PPM1E: variants seen among roughly 807,000 people sequenced by gnomAD.
PPM1E encodes protein phosphatase, Mg2+/Mn2+ dependent 1E, also known as protein phosphatase 1E.
Under a neutral mutation model 65.9 loss-of-function variants are expected in PPM1E, and 20 were observed. The observed-to-expected ratio is 0.30, with a 90% CI of 0.21 to 0.44. The LOEUF (loss-of-function observed/expected upper bound fraction) is 0.44. Among genes scored for constraint, PPM1E ranks in the 20% least tolerant of loss-of-function variants. PPM1E has a pLI of 1.00. For synonymous variants in PPM1E, 352 were observed against 374.9 expected, an observed-to-expected ratio of 0.94 and a Z score of 0.70; for missense variants, 713 against 953.1, an observed-to-expected ratio of 0.75 and a Z score of 3.32.
intron 6 of PPM1E, 74 bp downstream of exon 6, chr17:58,972,999 G>GA: frequency 1.2e-5 from 12 of 981,228 alleles, no homozygotes; most frequent in Non-Finnish European, 1.9e-5. Context: ...TCTGATACAG[G>GA]GAACCTGAGA....
chr17:58,801,617 A>G (rs2050259149), intron 1 of PPM1E, among the ~76,000 whole-genome samples: 1 of 150,948 alleles, frequency 6.6e-6, no homozygotes, highest in African/African-American at 2.4e-5. Flanking sequence ...AATTTTTTCT[A>G]TTTTTAGTAG....
intron 1 of PPM1E, among the ~76,000 whole-genome samples, chr17:58,855,365 G>A (rs1364697382): frequency 6.6e-6 from 1 of 152,158 alleles, no homozygotes; most frequent in African/African-American, 2.4e-5. Flanking sequence ...GAGTGGGGTA[G>A]ACTGAGAAGC....
At chr17:58,928,419 T>C (rs896461354) in intron 1 of PPM1E, among the ~76,000 whole-genome samples, 8 of 151,976 alleles carry the variant, frequency 5.3e-5, no homozygotes, top group Non-Finnish European at 1.2e-4. Flanking sequence ...TTAGAGAAGG[T>C]ATTTGGTTAC....
chr17:58,770,132 C>G (rs1205400039), intron 1 of PPM1E, among the ~76,000 whole-genome samples: 1 of 152,042 alleles, frequency 6.6e-6, no homozygotes, highest in Non-Finnish European at 1.5e-5. Context: ...ACCATTGTAT[C>G]CATATACTGT....
intron 1 of PPM1E, among the ~76,000 whole-genome samples, chr17:58,879,191 G>GT (rs974279596): frequency 6.6e-6 from 1 of 151,566 alleles, no homozygotes; most frequent in Non-Finnish European, 1.5e-5. Context: ...ACATCACAGC[G>GT]TTTTTTCACA....
intron 1 of PPM1E, among the ~76,000 whole-genome samples, chr17:58,930,487 T>C (rs1405458142): frequency 6.6e-6 from 1 of 151,808 alleles, no homozygotes; most frequent in Non-Finnish European, 1.5e-5. Flanking sequence ...AAAAACTGAA[T>C]AATAAAAAAC....
chr17:58,781,750 G>A (rs985412127), intron 1 of PPM1E, among the ~76,000 whole-genome samples: 1 of 151,910 alleles, frequency 6.6e-6, no homozygotes, highest in Non-Finnish European at 1.5e-5. Flanking sequence ...GCTGGGCATG[G>A]TGGTGCATAC....
intron 1 of PPM1E, among the ~76,000 whole-genome samples, chr17:58,896,913 C>T (rs1248639325): frequency 6.6e-6 from 1 of 152,150 alleles, no homozygotes; most frequent in Non-Finnish European, 1.5e-5. Context: ...GGGGCTAATG[C>T]AGCTGGTAAC....
intron 1 of PPM1E, among the ~76,000 whole-genome samples, chr17:58,776,076 C>T (rs2049991654): frequency 6.6e-6 from 1 of 152,078 alleles, no homozygotes; most frequent in Non-Finnish European, 1.5e-5. Context: ...GTGGCTCACG[C>T]ACTTTGGGAG....
At chr17:58,912,793 A>G (rs1050683421) in intron 1 of PPM1E, among the ~76,000 whole-genome samples, 2 of 152,170 alleles carry the variant, frequency 1.3e-5, no homozygotes, top group African/African-American at 2.4e-5. Context: ...CAACCCCTAC[A>G]TCCAGGAAAG....
At chr17:58,883,480 GTTC>G (rs1416739242) in intron 1 of PPM1E, among the ~76,000 whole-genome samples, 1 of 124,024 alleles carries the variant, frequency 8.1e-6, no homozygotes, top group Non-Finnish European at 1.7e-5. Context: ...TTCGCTGCCT[GTTC>G]TTTTTTTTTT....
At chr17:58,872,167 C>T (rs549907530) in intron 1 of PPM1E, among the ~76,000 whole-genome samples, 3 of 152,108 alleles carry the variant, frequency 2.0e-5, no homozygotes, top group Middle Eastern at 3.4e-3. Context: ...CATGGTGGCA[C>T]GCACCTGTAA....
intron 1 of PPM1E, among the ~76,000 whole-genome samples, chr17:58,932,362 A>G (rs1327310462): frequency 1.3e-5 from 2 of 151,996 alleles, no homozygotes; most frequent in Non-Finnish European, 2.9e-5. Context: ...CCAGCTACTC[A>G]GGAGGCTGAG....
intron 1 of PPM1E, among the ~76,000 whole-genome samples, chr17:58,815,283 AG>A (rs1598587962): frequency 6.6e-6 from 1 of 152,248 alleles, no homozygotes; most frequent in Non-Finnish European, 1.5e-5. Context: ...ACAACATAAC[AG>A]GGAACCTGAA....
intron 1 of PPM1E, among the ~76,000 whole-genome samples, chr17:58,856,228 T>A (rs1439851642): frequency 6.6e-6 from 1 of 152,118 alleles, no homozygotes; most frequent in Non-Finnish European, 1.5e-5. Flanking sequence ...TTTAGTAATA[T>A]GTGTTCATTT....
intron 1 of PPM1E, among the ~76,000 whole-genome samples, chr17:58,827,296 C>G (rs1034220014): frequency 1.1e-4 from 16 of 151,922 alleles, no homozygotes; most frequent in Non-Finnish European, 2.2e-4. Flanking sequence ...CGCCACCATG[C>G]CCAGCTAATT....
At chr17:58,770,918 A>G (rs1243713527) in intron 1 of PPM1E, among the ~76,000 whole-genome samples, 1 of 149,842 alleles carries the variant, frequency 6.7e-6, no homozygotes, top group Non-Finnish European at 1.5e-5. Flanking sequence ...GTGCAGTGGC[A>G]CAATCTCGGC....
At chr17:58,961,170 G>A (rs1255459843) in intron 2 of PPM1E, among the ~76,000 whole-genome samples, 2 of 152,174 alleles carry the variant, frequency 1.3e-5, no homozygotes, top group Non-Finnish European at 2.9e-5. Context: ...AAAGAGAATG[G>A]TAGCATTATA....
intron 1 of PPM1E, among the ~76,000 whole-genome samples, chr17:58,929,216 G>C (rs1454598161): frequency 1.3e-5 from 2 of 152,036 alleles, no homozygotes; most frequent in East Asian, 3.9e-4. Flanking sequence ...AAGAAAACAG[G>C]CTATATGAAT....
Sources: gnomAD v4.1 joint callset for allele counts (sites outside exome capture counted in the v4.1 genomes callset) on GRCh38, gnomAD v4.1.1 for gene constraint, MANE v1.5 for transcripts, NCBI Gene and HGNC (gene_info 2026-07-23, HGNC 2026-07-21) for gene names.